GSDMC: variants seen among roughly 807,000 people sequenced by gnomAD.
GSDMC encodes gasdermin-C.
Under a neutral mutation model 58.0 loss-of-function variants are expected in GSDMC, and 59 were observed. The observed-to-expected ratio is 1.02, with a 90% CI of 0.82 to 1.26. The LOEUF (loss-of-function observed/expected upper bound fraction) is 1.26, where lower values mean the gene tolerates loss of function less well. Among genes scored for constraint, GSDMC ranks in the 50% most tolerant of loss-of-function variants. The pLI, the probability that GSDMC is intolerant of heterozygous loss-of-function variation, is 0.00. For synonymous variants in GSDMC, 241 were observed against 220.2 expected, an observed-to-expected ratio of 1.09 and a Z score of -0.83; for missense variants, 659 against 598.5, an observed-to-expected ratio of 1.10 and a Z score of -1.06.
the GSDMC span, among the ~76,000 whole-genome samples, chr8:129,731,571 T>A: frequency 6.6e-6 from 1 of 152,220 alleles, no homozygotes; most frequent in Non-Finnish European, 1.5e-5. Context: ...CCAGGAAAGC[T>A]GATGGTGCGG....
chr8:129,739,398 AG>A, the GSDMC span, among the ~76,000 whole-genome samples: 10 of 152,298 alleles, frequency 6.6e-5, no homozygotes, highest in African/African-American at 2.4e-4. Context: ...AATGCAGAAA[AG>A]TTCATTTGTA....
chr8:129,768,594 A>C (rs1221781901), intron 3 of GSDMC, among the ~76,000 whole-genome samples: 1 of 152,252 alleles, frequency 6.6e-6, no homozygotes, highest in African/African-American at 2.4e-5. Flanking sequence ...TTTCAACAGC[A>C]GATTCAATCA....
At chr8:129,768,283 T>C (rs1183798628) in intron 3 of GSDMC, among the ~76,000 whole-genome samples, 1 of 152,202 alleles carries the variant, frequency 6.6e-6, no homozygotes, top group African/African-American at 2.4e-5. Context: ...AAGAGGTGGC[T>C]GCTGCCTCAA....
the GSDMC span, chr8:129,729,421 A>G: frequency 1.2e-3 from 437 of 351,424 alleles, 2 homozygotes; most frequent in African/African-American, 8.9e-3. Flanking sequence ...TTAACTCATC[A>G]TTTACATTAG....
In GSDMC at chr8:129,749,458, C is replaced by CTG; in HGVS notation, c.1279_1280dup (p.Gln427HisfsTer5). ...GCCCCTGGGAAGTTCTCACCAGCTCCTGTTGCTGAAGCAGGATCCTCTTCT... is the reference window on the plus strand; with the variant it reads ...GCCCCTGGGAAGTTCTCACCAGCTCCTGTGTTGCTGAAGCAGGATCCTCTTCT... On this transcript the variant is annotated frameshift_variant, in exon 13 of 14. Transcript: ENST00000276708. LOFTEE classifies it low-confidence loss of function (END_TRUNC). The CTG allele has an allele frequency of 6.2e-7, 1 of 1,612,398 alleles. No individual in the cohort carries two copies. Among genetic ancestry groups the CTG allele is most frequent in the South Asian group, 1.1e-5 (1 of 91,040 alleles).
chr8:129,725,451 A>G, the GSDMC span, among the ~76,000 whole-genome samples: 2 of 152,184 alleles, frequency 1.3e-5, no homozygotes, highest in Non-Finnish European at 2.9e-5. Context: ...GTGGCCTGGC[A>G]TCTCAGTTAC....
chr8:129,727,085 T>A, the GSDMC span, among the ~76,000 whole-genome samples: 9 of 151,946 alleles, frequency 5.9e-5, no homozygotes, highest in African/African-American at 2.2e-4. Flanking sequence ...ACTTGGAAAT[T>A]TACATTCATC....
chr8:129,730,130 G>C, the GSDMC span: 2 of 983,234 alleles, frequency 2.0e-6, no homozygotes, highest in Non-Finnish European at 2.9e-6. Context: ...ATGCCAACAA[G>C]AGAGATCTCA....
chr8:129,735,373 G>A, the GSDMC span, among the ~76,000 whole-genome samples: 391 of 152,132 alleles, frequency 2.6e-3, 2 homozygotes, highest in African/African-American at 9.1e-3. Flanking sequence ...GCACCACATC[G>A]CACTTATTCC....
chr8:129,753,537 C>T (rs941091636), intron 6 of GSDMC, among the ~76,000 whole-genome samples: 1 of 152,178 alleles, frequency 6.6e-6, no homozygotes, highest in Non-Finnish European at 1.5e-5. Flanking sequence ...CTGAGATGTG[C>T]TAACTAAAGG....
In GSDMC at chr8:129,782,010, T is replaced by C. The variant is rs2034429899; in HGVS notation, c.-5+4001A>G. ...AAACACTCAAAAAGTTGAAATAATA[T>C]AACGTATCTTCTCTGAACAAAATGG... On this transcript the variant is annotated intron_variant, in intron 1 of 13. Transcript: ENST00000276708. 2.0e-5 allele frequency among the ~76,000 whole-genome samples: 3 copies of C among 152,168 alleles called. 1 individual carries two copies. The South Asian group carries it at 6.2e-4, about 32-fold the overall frequency.
At chr8:129,779,837 A>G (rs112381808) in intron 1 of GSDMC, among the ~76,000 whole-genome samples, 57 of 152,254 alleles carry the variant, frequency 3.7e-4, no homozygotes, top group African/African-American at 1.3e-3. Context: ...TCAAACAAAG[A>G]ATTCAAAATA....
chr8:129,771,015 T>TTTTATATATATATGTATATGTATATA (rs2034029545), intron 3 of GSDMC, among the ~76,000 whole-genome samples: 1 of 149,962 alleles, frequency 6.7e-6, no homozygotes, highest in African/African-American at 2.4e-5. Flanking sequence ...AGACACATTT[T>TTTTATATATATATGTATATGTATATA]TTTATATATA....
the GSDMC span, among the ~76,000 whole-genome samples, chr8:129,736,900 T>C: frequency 6.6e-6 from 1 of 152,142 alleles, no homozygotes; most frequent in Non-Finnish European, 1.5e-5. Flanking sequence ...CCCATCATCT[T>C]AGCCCAAAAT....
intron 6 of GSDMC, among the ~76,000 whole-genome samples, chr8:129,760,207 G>A (rs941247158): frequency 3.9e-5 from 6 of 152,122 alleles, no homozygotes; most frequent in Non-Finnish European, 7.4e-5. Flanking sequence ...CCTGAGACTG[G>A]GAAGGGTGGT....
At chr8:129,767,019 C>T (rs1586601202) in intron 3 of GSDMC, among the ~76,000 whole-genome samples, 1 of 152,168 alleles carries the variant, frequency 6.6e-6, no homozygotes, top group South Asian at 2.1e-4. Context: ...ATCAGAGAGA[C>T]CAGCCAGCAA....
the GSDMC span, among the ~76,000 whole-genome samples, chr8:129,719,844 C>G: frequency 1.3e-5 from 2 of 152,154 alleles, no homozygotes; most frequent in African/African-American, 2.4e-5. Context: ...ACTCAGGAGG[C>G]TGAGGCACAA....
At chr8:129,760,617 G>A (rs911059618) in intron 5 of GSDMC, 28 bp from the exon 6 acceptor site, 7 of 1,077,628 alleles carry the variant, frequency 6.5e-6, no homozygotes, top group Non-Finnish European at 7.9e-6. Context: ...ACTTCCATTA[G>A]GAGAGTTGAG....
the GSDMC span, among the ~76,000 whole-genome samples, chr8:129,739,957 A>C: frequency 1.3e-5 from 2 of 152,186 alleles, no homozygotes; most frequent in Non-Finnish European, 2.9e-5. Context: ...CCAGGTGTGG[A>C]GGTGGAAGAA....
Sources: gnomAD v4.1 joint callset for allele counts (sites outside exome capture counted in the v4.1 genomes callset) on GRCh38, gnomAD v4.1.1 for gene constraint, MANE v1.5 for transcripts, NCBI Gene and HGNC (gene_info 2026-07-23, HGNC 2026-07-21) for gene names.